Variants in SYT1 observed in about 807,000 individuals in gnomAD.
SYT1 encodes synaptotagmin 1, also known as synaptotagmin-1.
Under a neutral mutation model 44.8 loss-of-function variants are expected in SYT1, and 8 were observed. The ratio of observed to expected loss-of-function variants is 0.18; its 90% CI spans 0.10 to 0.32. SYT1 has a LOEUF of 0.32. Ranked by LOEUF, SYT1 falls within the 10% of genes least tolerant of loss-of-function variation. SYT1 has a pLI of 1.00. For synonymous variants in SYT1, 154 were observed against 188.8 expected (o/e 0.82, Z 1.51); for missense variants, 286 against 509.3 (o/e 0.56, Z 4.22).
In SYT1 at chr12:79,338,276, C is replaced by CTTTT. The variant is rs58399069; in HGVS notation, c.811-15218_811-15215dup. 1.5e-3 allele frequency among the ~76,000 whole-genome samples: 218 copies of CTTTT among 144,914 alleles called. 1 individual carries two copies. The highest frequency in any genetic ancestry group is 5.2e-3 in the African/African-American group (205 of 39,288). On this transcript the variant is annotated intron_variant, in intron 8 of 10. Coordinates refer to ENST00000261205, the MANE Select transcript of SYT1 (RefSeq NM_005639.3). ...AATTTTTTTTTCTTTTTTCTTTTTC[C>CTTTT]TTTTTTTTTTTCTTTTTTGAGACAG...
chr12:79,144,506 T>C (rs57251083), intron 3 of SYT1, among the ~76,000 whole-genome samples: 14,279 of 152,200 alleles, frequency 0.094, 866 homozygotes, highest in African/African-American at 0.17. Flanking sequence ...TCCAAGAGCA[T>C]CCAGATGCCA....
chr12:78,986,654 C>T (rs937274617), intron 2 of SYT1, among the ~76,000 whole-genome samples: 1 of 151,960 alleles, frequency 6.6e-6, no homozygotes, highest in East Asian at 1.9e-4. Context: ...TTAAGAAAGG[C>T]TTTTCATTCA....
At chr12:79,214,755 G>A (rs902532924) in intron 3 of SYT1, among the ~76,000 whole-genome samples, 1 of 152,150 alleles carries the variant, frequency 6.6e-6, no homozygotes, top group Non-Finnish European at 1.5e-5. Flanking sequence ...TAATGATGGA[G>A]CTATTGTACT....
intron 2 of SYT1, among the ~76,000 whole-genome samples, chr12:78,995,226 G>A (rs1361756427): frequency 1.3e-5 from 2 of 152,156 alleles, no homozygotes; most frequent in Admixed American, 1.3e-4. Flanking sequence ...GCATAGCCTT[G>A]TGTCTTTGAC....
At chr12:79,266,748 GGAGA>G (rs1878151441) in intron 4 of SYT1, among the ~76,000 whole-genome samples, 1 of 152,172 alleles carries the variant, frequency 6.6e-6, no homozygotes, top group Non-Finnish European at 1.5e-5. Flanking sequence ...AAATTGCCAT[GGAGA>G]GAAACTGATT....
At chr12:79,003,807 C>A (rs1367369825) in intron 2 of SYT1, among the ~76,000 whole-genome samples, 1 of 151,934 alleles carries the variant, frequency 6.6e-6, no homozygotes, top group Non-Finnish European at 1.5e-5. Context: ...AAAATGTAGG[C>A]TTTGAAGTCA....
At chr12:79,079,234 C>T (rs1876866278) in intron 3 of SYT1, among the ~76,000 whole-genome samples, 1 of 152,134 alleles carries the variant, frequency 6.6e-6, no homozygotes, top group Non-Finnish European at 1.5e-5. Context: ...AACTGACTTT[C>T]ACCTCTCCCT....
intron 3 of SYT1, among the ~76,000 whole-genome samples, chr12:79,168,302 G>A (rs978767403): frequency 1.3e-5 from 2 of 151,976 alleles, no homozygotes; most frequent in Non-Finnish European, 2.9e-5. Context: ...AACTCAATGG[G>A]TTGTTGTAAA....
rs572142572 is a variant in SYT1, at chr12:78,867,748, A to C, written c.-217+2639A>C. 3.0e-4 allele frequency among the ~76,000 whole-genome samples: 46 copies of C among 152,164 alleles called. 1 individual carries two copies. Among genetic ancestry groups the C allele is most frequent in the African/African-American group, 1.0e-3 (43 of 41,582 alleles). The stretch of plus-strand genomic sequence containing the variant: ...ACTTCATTTCATAATGGAGAATATT[A>C]GTTATTTCATCTGGTCAAATTATCA... On this transcript the variant is annotated intron_variant, in intron 1 of 10. Coordinates refer to ENST00000261205, the MANE Select transcript of SYT1 (RefSeq NM_005639.3).
At chr12:79,230,403 T>A (rs958092572) in intron 4 of SYT1, among the ~76,000 whole-genome samples, 1 of 152,176 alleles carries the variant, frequency 6.6e-6, no homozygotes, top group Admixed American at 6.5e-5. Context: ...TAGAATTTTT[T>A]AAATAAATTA....
intron 1 of SYT1, among the ~76,000 whole-genome samples, chr12:78,906,150 T>C (rs917557682): frequency 6.6e-6 from 1 of 152,056 alleles, no homozygotes. Context: ...TTCCTTTCAA[T>C]AGAAGATGAT....
intron 8 of SYT1, among the ~76,000 whole-genome samples, chr12:79,326,769 C>T (rs1455214783): frequency 6.6e-6 from 1 of 152,122 alleles, no homozygotes; most frequent in Non-Finnish European, 1.5e-5. Context: ...ATTTCAGAGA[C>T]TTCTTCAGAT....
At chr12:79,184,812 G>C (rs994947201) in intron 3 of SYT1, among the ~76,000 whole-genome samples, 1 of 152,024 alleles carries the variant, frequency 6.6e-6, no homozygotes, top group Non-Finnish European at 1.5e-5. Flanking sequence ...CACCCCAGTG[G>C]TTTGTGACAT....
intron 3 of SYT1, among the ~76,000 whole-genome samples, chr12:79,077,149 A>G (rs1017452428): frequency 6.6e-6 from 1 of 152,064 alleles, no homozygotes; most frequent in African/African-American, 2.4e-5. Context: ...GCTCTCTTGG[A>G]TAAAGCCTTA....
chr12:79,423,205 C>T (rs992223564), intron 9 of SYT1, among the ~76,000 whole-genome samples: 1 of 152,078 alleles, frequency 6.6e-6, no homozygotes, highest in South Asian at 2.1e-4. Context: ...TGTGTGCACA[C>T]GTGCATGCAT....
At chr12:79,421,244 G>C (rs1352840066) in intron 9 of SYT1, among the ~76,000 whole-genome samples, 1 of 152,150 alleles carries the variant, frequency 6.6e-6, no homozygotes, top group African/African-American at 2.4e-5. Context: ...GGAATTGATT[G>C]CTATTTTGAG....
At chr12:79,123,586 C>G (rs1041278547) in intron 3 of SYT1, among the ~76,000 whole-genome samples, 20 of 152,124 alleles carry the variant, frequency 1.3e-4, no homozygotes, top group African/African-American at 4.8e-4. Flanking sequence ...ACTTACAATT[C>G]AGAAACACAT....
chr12:79,426,692 G>C (rs928616676), intron 9 of SYT1, among the ~76,000 whole-genome samples: 3 of 152,278 alleles, frequency 2.0e-5, no homozygotes, highest in Admixed American at 2.0e-4. Context: ...AAAAAGTACA[G>C]CCACACAACA....
At chr12:78,883,976 A>G (rs1874598754) in intron 1 of SYT1, among the ~76,000 whole-genome samples, 1 of 151,562 alleles carries the variant, frequency 6.6e-6, no homozygotes, top group Admixed American at 6.6e-5. Flanking sequence ...TGTTTTTTAA[A>G]TAAAAATAAT....
Sources: gnomAD v4.1 joint callset for allele counts (sites outside exome capture counted in the v4.1 genomes callset) on GRCh38, gnomAD v4.1.1 for gene constraint, MANE v1.5 for transcripts, NCBI Gene and HGNC (gene_info 2026-07-23, HGNC 2026-07-21) for gene names.